The following PCDHGB3 variants were observed in gnomAD, a reference collection of about 807,000 sequenced individuals.
The protein encoded by PCDHGB3 is protocadherin gamma subfamily B, 3, also known as protocadherin gamma-B3.
In PCDHGB3, 40 loss-of-function variants were observed where a neutral mutation model predicts 59.2. That is an observed-to-expected ratio of 0.68 (90% confidence interval 0.52 to 0.88). The LOEUF is 0.88. Among genes scored for constraint, PCDHGB3 ranks in the 40% least tolerant of loss-of-function variants. The probability of loss-of-function intolerance (pLI) is 0.00; values close to 1 mark genes in which losing one functional copy is unlikely to be tolerated. For missense variants in PCDHGB3, 1,309 were observed against 1,187.9 expected, an observed-to-expected ratio of 1.10 and a Z score of -1.50; for synonymous variants, 581 against 503.6, an observed-to-expected ratio of 1.15 and a Z score of -2.06.
chr5:141,395,041 T>C (rs2093154278), intron 1 of PCDHGB3: 1 of 1,613,994 alleles, frequency 6.2e-7, no homozygotes, highest in South Asian at 1.1e-5. Flanking sequence ...TTTGTGGGTG[T>C]TGAGGAGGTA....
chr5:141,392,804 CA>C (rs1345839746), intron 1 of PCDHGB3: 1 of 1,573,894 alleles, frequency 6.4e-7, no homozygotes, highest in African/African-American at 1.4e-5. Flanking sequence ...GATTCTGCAG[CA>C]AAACAACAAT....
intron 1 of PCDHGB3, chr5:141,376,616 G>C: frequency 7.1e-7 from 1 of 1,413,872 alleles, no homozygotes; most frequent in Non-Finnish European, 9.6e-7. Flanking sequence ...AACCTCTTTT[G>C]GTACAGGAAG....
At position 141,494,788 on chromosome 5, in the gene PCDHGB3, C is replaced by T. The variant is rs2099756942; in HGVS notation, c.2416-19C>T. The T allele has an allele frequency of 6.2e-7, 1 of 1,614,116 alleles. No homozygotes were observed. The highest frequency in any genetic ancestry group is 8.5e-7 in the Non-Finnish European group (1 of 1,180,000). On this transcript the variant is annotated intron_variant, in intron 1 of 3. Transcript: ENST00000576222. ...CTTCTCACGGGTACTCAGCCCCTTTCCCTCTGTTTTCTCCACAGCAAGCCC... is the reference window on the plus strand; with the variant it reads ...CTTCTCACGGGTACTCAGCCCCTTTTCCTCTGTTTTCTCCACAGCAAGCCC...
At chr5:141,400,638 T>A in intron 1 of PCDHGB3, 1 of 1,325,472 alleles carries the variant, frequency 7.5e-7, no homozygotes, top group Non-Finnish European at 1.1e-6. Flanking sequence ...TCAGAGCTGC[T>A]CAGAAAGCTG....
chr5:141,394,980 C>T, intron 1 of PCDHGB3: 2 of 1,614,012 alleles, frequency 1.2e-6, no homozygotes, highest in Non-Finnish European at 1.7e-6. Flanking sequence ...GCACAAGTCA[C>T]GCCTGCTCCA....
chr5:141,378,535 T>A (rs1235721694), intron 1 of PCDHGB3: 1 of 152,092 alleles, frequency 6.6e-6, no homozygotes, highest in Non-Finnish European at 1.5e-5. Flanking sequence ...AAAATAATAA[T>A]GATAATTAAT....
At chr5:141,376,059 C>A (rs761483041) in intron 1 of PCDHGB3, 1 of 1,613,280 alleles carries the variant, frequency 6.2e-7, no homozygotes, top group Admixed American at 1.7e-5. Context: ...GCCACTGTCA[C>A]GCTCACCGTG....
intron 1 of PCDHGB3, chr5:141,405,626 C>G (rs1329214735): frequency 3.7e-6 from 2 of 538,556 alleles, no homozygotes; most frequent in South Asian, 5.3e-5. Context: ...AGGCACGTGC[C>G]ACCACGCCCG....
At position 141,370,655 on chromosome 5, in the gene PCDHGB3, C is replaced by A; in HGVS notation, c.261C>A (p.Ser87Arg). ...VSPENGNLLV[S>R]DRIDREEICG... ...CCGAAAATGGGAACTTACTTGTGAG[C>A]GACCGTATAGACCGAGAGGAGATTT... Residue 87 changes from serine to arginine, a missense_variant, in exon 1 of 4, where the codon AGC becomes AGA. Coordinates refer to ENST00000576222, the MANE Select transcript of PCDHGB3 (RefSeq NM_018924.5). 1 of 1,613,826 alleles carries A rather than the reference C, an allele frequency of 6.2e-7. No homozygotes were observed. The highest frequency in any genetic ancestry group is 8.5e-7 in the Non-Finnish European group (1 of 1,179,886).
At chr5:141,428,034 T>A (rs768728101) in intron 1 of PCDHGB3, 8 of 1,607,778 alleles carry the variant, frequency 5.0e-6, no homozygotes, top group Middle Eastern at 1.7e-4. Context: ...AGAGTCCGGC[T>A]ACCTGGTGAC....
chr5:141,495,529 C>T (rs1466269939), intron 2 of PCDHGB3, among the ~76,000 whole-genome samples: 1 of 152,210 alleles, frequency 6.6e-6, no homozygotes, highest in African/African-American at 2.4e-5. Flanking sequence ...ACCTCTCAGT[C>T]CTTCCCTCAG....
At chr5:141,423,022 T>C in intron 1 of PCDHGB3, 1 of 1,614,194 alleles carries the variant, frequency 6.2e-7, no homozygotes, top group Non-Finnish European at 8.5e-7. Flanking sequence ...GGACAAAGAT[T>C]CAGGCCAGAA....
In PCDHGB3 at chr5:141,511,405, T is replaced by C. The variant is rs1274658643; in HGVS notation, c.*232T>C. The C allele has an allele frequency of 2.2e-5, 21 of 944,066 alleles. No homozygotes were observed. In the East Asian group the frequency reaches 5.8e-4, roughly 26 times the overall value. 58.5% of individuals were successfully genotyped at this position (944,066 alleles called of 1,614,324 possible). On this transcript the variant is annotated 3_prime_UTR_variant, in exon 4 of 4. Transcript: ENST00000576222. ...CGCTGGGAACCCCCATCCAATCAACTGCTGTACCCATGGGGGTAGTGGGGT... is the reference window on the plus strand; with the variant it reads ...CGCTGGGAACCCCCATCCAATCAACCGCTGTACCCATGGGGGTAGTGGGGT...
chr5:141,407,985 A>G, intron 1 of PCDHGB3: 1 of 789,616 alleles, frequency 1.3e-6, no homozygotes, highest in Non-Finnish European at 1.9e-6. Flanking sequence ...GGGATCCGTC[A>G]GCCTCTGGCC....
intron 1 of PCDHGB3, chr5:141,385,444 G>C: frequency 6.9e-7 from 1 of 1,448,588 alleles, no homozygotes; most frequent in East Asian, 2.5e-5. Context: ...GTAAAAATGA[G>C]TTTACCAGTT....
chr5:141,427,937 C>T, intron 1 of PCDHGB3: 1 of 1,584,566 alleles, frequency 6.3e-7, no homozygotes, highest in African/African-American at 1.3e-5. Flanking sequence ...TGTTGGTGGG[C>T]GACCTCAATG....
At chr5:141,430,392 A>G (rs2097281137) in intron 1 of PCDHGB3, among the ~76,000 whole-genome samples, 1 of 152,136 alleles carries the variant, frequency 6.6e-6, no homozygotes, top group Non-Finnish European at 1.5e-5. Context: ...GGAAAAAAAA[A>G]AAAAGCTCAC....
intron 1 of PCDHGB3, among the ~76,000 whole-genome samples, chr5:141,382,312 C>A (rs1778099412): frequency 6.6e-6 from 1 of 152,130 alleles, no homozygotes; most frequent in Admixed American, 6.5e-5. Flanking sequence ...TTTATATACA[C>A]TGATGTAAAT....
intron 1 of PCDHGB3, among the ~76,000 whole-genome samples, chr5:141,475,511 A>T (rs1240718716): frequency 6.6e-6 from 1 of 152,240 alleles, no homozygotes; most frequent in African/African-American, 2.4e-5. Context: ...TAATGTCTCC[A>T]CGGAAATGCT....
Sources: allele counts gnomAD v4.1 joint callset (sites outside exome capture counted in the v4.1 genomes callset), GRCh38; gene constraint gnomAD v4.1.1; transcripts MANE v1.5; gene names NCBI Gene and HGNC (gene_info 2026-07-23, HGNC 2026-07-21).